The following MMP21 variants were observed in gnomAD, a reference collection of about 807,000 sequenced individuals.
The protein encoded by MMP21 is matrix metalloproteinase-21.
A neutral mutation model predicts 47.8 loss-of-function variants in MMP21; 40 were observed. That is an observed-to-expected ratio of 0.84 (90% confidence interval 0.65 to 1.09). The LOEUF is 1.09. MMP21 is among the 50% of genes least tolerant of loss of function. The pLI, the probability that MMP21 is intolerant of heterozygous loss-of-function variation, is 0.00. For missense variants in MMP21, 747 were observed against 775.3 expected (o/e 0.96, Z 0.43); for synonymous variants, 341 against 318.0 (o/e 1.07, Z -0.77).
At chr10:125,770,151 C>G (rs571515659) in intron 5 of MMP21, among the ~76,000 whole-genome samples, 183 bp downstream of exon 5, 1 of 151,786 alleles carries the variant, frequency 6.6e-6, no homozygotes, top group African/African-American at 2.4e-5. Context: ...GTCTCAGAAA[C>G]AAAAAAAATG....
At chr10:125,767,004 A>C in intron 6 of MMP21, 43 bp from the exon 7 acceptor site, 1 of 1,480,472 alleles carries the variant, frequency 6.8e-7, no homozygotes, top group Non-Finnish European at 9.0e-7. Context: ...GAAAATTATT[A>C]ATATTTTTTG....
chr10:125,772,734 A>G lies in MMP21; in HGVS notation c.714T>C (p.Cys238=). 4 of 1,613,918 alleles carry G rather than the reference A, an allele frequency of 2.5e-6. No individual in the cohort carries two copies. Among genetic ancestry groups the G allele is most frequent in the Non-Finnish European group, 3.4e-6 (4 of 1,179,976 alleles). ...LGFGRGRHLG[C]PRAFDGSGQE... is the part of the protein sequence containing the mutation. ...GCCCGCTCCCATCGAAGGCCCGCGG[A>G]CAGCCCAGGTGCCGGCCTGGCGAGG... The change falls in exon 3 of 7, where the codon TGT becomes TGC. Residue 238 remains cysteine, a synonymous_variant. Transcript: ENST00000368808. The surrounding 1 kb of genome is among the most constrained non-coding windows in gnomAD (Gnocchi z 5.6).
intron 6 of MMP21, 55 bp from the exon 7 acceptor site, chr10:125,767,016 T>G: frequency 1.4e-6 from 2 of 1,423,602 alleles, no homozygotes; most frequent in Non-Finnish European, 1.9e-6. Context: ...TATTTTTTGG[T>G]TAATTTATAA....
intron 5 of MMP21, among the ~76,000 whole-genome samples, chr10:125,769,861 T>C (rs1850426792): frequency 6.6e-6 from 1 of 152,144 alleles, no homozygotes; most frequent in Non-Finnish European, 1.5e-5. Flanking sequence ...CTTAAAAAGA[T>C]CAGGGCCTGG....
At position 125,774,551 on chromosome 10, in the gene MMP21, T is replaced by C. The variant is rs1480039879; in HGVS notation, c.163-186A>G. Among the ~76,000 whole-genome samples, 9 of 151,972 alleles carry C rather than the reference T, an allele frequency of 5.9e-5. No homozygotes were observed. The East Asian group carries it at 1.7e-3, about 29-fold the overall frequency. ...ACAGGAAGACAGAGAGAGATAGAGA[T>C]ACAGAGAGAGCGGCAGTGAGAGACA... On this transcript the variant is annotated intron_variant, in intron 1 of 6. Coordinates refer to ENST00000368808, the MANE Select transcript of MMP21 (RefSeq NM_147191.1).
intron 4 of MMP21, 134 bp from the exon 5 acceptor site, chr10:125,770,725 T>A: frequency 9.9e-7 from 1 of 1,013,726 alleles, no homozygotes; most frequent in Non-Finnish European, 1.4e-6. Context: ...AGACACCATG[T>A]AAGGCTGAAG....
In MMP21 at chr10:125,772,600, G is replaced by A; in HGVS notation, c.837+11C>T. 1 of 1,614,238 alleles carries A rather than the reference G, an allele frequency of 6.2e-7. No homozygotes were observed. Among genetic ancestry groups the A allele is most frequent in the Non-Finnish European group, 8.5e-7 (1 of 1,180,036 alleles). On this transcript the variant is annotated intron_variant, in intron 3 of 6. Coordinates refer to ENST00000368808, the MANE Select transcript of MMP21 (RefSeq NM_147191.1). This position sits in a 1 kb window ranked among gnomAD's most constrained non-coding sequence, Gnocchi z 5.6. ...GGTGTCTTATCAACACAGTGGCTCAGGACCACTGACCTTGAGAAGGCTGAT... is the reference window on the plus strand; with the variant it reads ...GGTGTCTTATCAACACAGTGGCTCAAGACCACTGACCTTGAGAAGGCTGAT...
chr10:125,775,529 C>T, intron 1 of MMP21, 131 bp downstream of exon 1: 1 of 1,224,702 alleles, frequency 8.2e-7, no homozygotes, highest in Non-Finnish European at 1.1e-6. Context: ...TCCCTCTCAG[C>T]CCAGCCTGCC....
chr10:125,772,377 C>G lies in MMP21; in HGVS notation c.838-18G>C, dbSNP rs1469512486. The stretch of plus-strand genomic sequence containing the variant: ...ACGGCCACCTAGAAGGGGACACACA[C>G]CATGGGTGCTGGGTGAAGCCTGGGC... On this transcript the variant is annotated intron_variant, in intron 3 of 6. Transcript: ENST00000368808. This position sits in a 1 kb window ranked among gnomAD's most constrained non-coding sequence, Gnocchi z 5.6. 1 of 1,613,716 alleles carries G rather than the reference C, an allele frequency of 6.2e-7. No individual in the cohort carries two copies. Among genetic ancestry groups the G allele is most frequent in the Admixed American group, 1.7e-5 (1 of 59,984 alleles).
In MMP21 at chr10:125,772,758, G is replaced by C; in HGVS notation, c.698-8C>G. 3.1e-6 allele frequency: 5 copies of C among 1,611,036 alleles called. No individual in the cohort carries two copies. The highest frequency in any genetic ancestry group is 4.2e-6 in the Non-Finnish European group (5 of 1,178,428). ...GACAGCCCAGGTGCCGGCCTGGCGA[G>C]GGGGAGGAGGAGTTGGTCCCGGTGA... On this transcript the variant is annotated splice_region_variant and splice_polypyrimidine_tract_variant and intron_variant, in intron 2 of 6. Transcript: ENST00000368808. This position sits in a 1 kb window ranked among gnomAD's most constrained non-coding sequence, Gnocchi z 5.6.
chr10:125,767,144 T>C (rs28381325), intron 6 of MMP21, among the ~76,000 whole-genome samples, 183 bp from the exon 7 acceptor site: 2,375 of 152,260 alleles, frequency 0.016, 71 homozygotes, highest in African/African-American at 0.053. Context: ...TTTTTGTTTT[T>C]TTTTTGGGCC....
At chr10:125,771,487 T>C (rs12240664) in intron 4 of MMP21, among the ~76,000 whole-genome samples, 1 of 151,244 alleles carries the variant, frequency 6.6e-6, no homozygotes, top group Non-Finnish European at 1.5e-5. Flanking sequence ...CACTGCAACC[T>C]CCACCTCATG....
rs1850387495 is a variant in MMP21 at position 125,766,521 on chromosome 10, A to G, written c.*141T>C. On this transcript the variant is annotated 3_prime_UTR_variant, in exon 7 of 7. Transcript: ENST00000368808. ...AATTGTTTTTAAATCAAGTATTTTA[A>G]AAGTTCAACTAAGGCTTTTCCCATT... 1.6e-6 allele frequency: 1 copy of G among 609,226 alleles called. No individual in the cohort carries two copies. Among genetic ancestry groups the G allele is most frequent in the Admixed American group, 3.6e-5 (1 of 27,584 alleles). 37.7% of individuals were successfully genotyped at this position (609,226 alleles called of 1,614,324 possible).
chr10:125,775,574 G>GGCCTGT, intron 1 of MMP21, 86 bp downstream of exon 1: 1 of 1,466,004 alleles, frequency 6.8e-7, no homozygotes, highest in Non-Finnish European at 9.1e-7. Flanking sequence ...CCGGCATCCT[G>GGCCTGT]GCCTGTGCCT....
rs1466067344 is a variant in MMP21 at position 125,773,979 on chromosome 10, C to T, written c.549G>A (p.Glu183=). 3 of 1,570,106 alleles carry T rather than the reference C, an allele frequency of 1.9e-6. No individual in the cohort carries two copies. The highest frequency in any genetic ancestry group is 1.7e-6 in the Non-Finnish European group (2 of 1,166,520). ...KRTLSWRLLG[E]ALSSQLSVAD... is the part of the protein sequence containing the mutation. The stretch of plus-strand genomic sequence containing the variant: ...CCACGGACAGTTGGCTGCTCAGGGC[C>T]TCGCCCAGCAGCCGCCAGCTCAGCG... The change falls in exon 2 of 7, where the codon GAG becomes GAA. Residue 183 remains glutamate, a synonymous_variant. Transcript: ENST00000368808. This position sits in a 1 kb window ranked among gnomAD's most constrained non-coding sequence, Gnocchi z 4.8.
At position 125,774,212 on chromosome 10, in the gene MMP21, C is replaced by T. The variant is rs1226022157; in HGVS notation, c.316G>A (p.Ala106Thr). ...NALPASGELD[A>T]ATLAAMNRPR... ...CGGTTCATGGCCGCTAGGGTGGCCG[C>T]GTCCAGCTCCCCGCTGGCCGGCAGC... is the stretch of plus-strand genomic sequence containing the variant. The change falls in exon 2 of 7, where the codon GCG becomes ACG. Residue 106 changes from alanine to threonine, a missense_variant. Transcript: ENST00000368808. 6.6e-6 allele frequency: 9 copies of T among 1,371,164 alleles called. No homozygotes were observed. Among genetic ancestry groups the T allele is most frequent in the Non-Finnish European group, 8.4e-6 (9 of 1,065,464 alleles). The allele number at this position is 1,371,164 out of a possible 1,614,324, so 84.9% of individuals were successfully genotyped here.
rs2133782142 is a variant in MMP21, at chr10:125,770,566, A to G, written c.1005T>C (p.Thr335=). Residue 335 remains threonine, a synonymous_variant, in exon 5 of 7, where the codon ACT becomes ACC. Transcript: ENST00000368808. The stretch of plus-strand genomic sequence containing the variant: ...TCTCTTTGCGAATCCAGTCAAACGC[A>G]GTATCAAATGATCCCTCACAGGAGC... ...LYGSCEGSFD[T]AFDWIRKERN... is the part of the protein sequence containing the mutation. 2.5e-6 allele frequency: 4 copies of G among 1,614,196 alleles called. No homozygotes were observed. The highest frequency in any genetic ancestry group is 1.1e-5 in the South Asian group (1 of 91,072).
Position 125,774,287 on chromosome 10 carries a change from TG to T in MMP21, c.240del (p.Lys81ArgfsTer29). ...ACCGCCTCGGCCAGGGCGGCGCCCT[TG>T]GGGGTCTCCGGCGGCCCCTCGGGAC... is the stretch of plus-strand genomic sequence containing the variant. ...GPSPEGPPET[P>X]KGAALAEAVR... On this transcript the variant is annotated frameshift_variant, in exon 2 of 7. Coordinates refer to ENST00000368808, the MANE Select transcript of MMP21 (RefSeq NM_147191.1). LOFTEE classifies it high-confidence loss of function. The T allele has an allele frequency of 7.0e-7, 1 of 1,420,314 alleles. No homozygotes were observed. The highest frequency in any genetic ancestry group is 1.5e-5 in the South Asian group (1 of 68,476). 88.0% of individuals were successfully genotyped at this position (1,420,314 alleles called of 1,614,324 possible).
chr10:125,766,789 T>G lies in MMP21; in HGVS notation c.1583A>C (p.Lys528Thr). ...IFFFKGNAYW[K>T]VVNDKDKQQN... Reference sequence around the variant, plus strand: ...TTGTTTGTCCTTGTCATTAACTACCTTCCAGTATGCATTGCCTTTGAAAAA... The same window carrying G: ...TTGTTTGTCCTTGTCATTAACTACCGTCCAGTATGCATTGCCTTTGAAAAA... Residue 528 changes from lysine to threonine, a missense_variant, in exon 7 of 7, where the codon AAG becomes ACG. By Grantham distance (78) the Lys-to-Thr change is moderately conservative. Coordinates refer to ENST00000368808, the MANE Select transcript of MMP21 (RefSeq NM_147191.1). The G allele has an allele frequency of 6.2e-7, 1 of 1,614,040 alleles. No individual in the cohort carries two copies. The highest frequency in any genetic ancestry group is 1.7e-4 in the Middle Eastern group (1 of 6,058).
Sources: gnomAD v4.1 joint callset for allele counts (sites outside exome capture counted in the v4.1 genomes callset) on GRCh38, gnomAD v4.1.1 for gene constraint, Gnocchi (gnomAD v3.1) non-coding constraint, MANE v1.5 for transcripts, NCBI Gene and HGNC (gene_info 2026-07-23, HGNC 2026-07-21) for gene names.